The following CNBD1 variants were observed in gnomAD, a reference collection of about 807,000 sequenced individuals.
CNBD1 encodes cyclic nucleotide binding domain containing 1.
A neutral mutation model predicts 54.4 loss-of-function variants in CNBD1; 71 were observed. The ratio of observed to expected loss-of-function variants is 1.30; its 90% CI spans 1.08 to 1.59. The LOEUF (loss-of-function observed/expected upper bound fraction) is 1.59, where lower values mean the gene tolerates loss of function less well. Among genes scored for constraint, CNBD1 ranks in the 40% most tolerant of loss-of-function variants. The pLI is 0.00. For synonymous variants in CNBD1, 182 were observed against 170.7 expected (o/e 1.07, Z -0.51); for missense variants, 659 against 518.0 (o/e 1.27, Z -2.64).
chr8:87,092,521 G>A (rs186953874), intron 4 of CNBD1, among the ~76,000 whole-genome samples: 1 of 145,628 alleles, frequency 6.9e-6, no homozygotes, highest in Non-Finnish European at 1.5e-5. Context: ...GTGTGTATGT[G>A]TGTGTATGTA....
chr8:86,986,917 T>C (rs944756722), intron 4 of CNBD1, among the ~76,000 whole-genome samples: 1 of 152,188 alleles, frequency 6.6e-6, no homozygotes, highest in African/African-American at 2.4e-5. Flanking sequence ...TTTAGCCTTA[T>C]AGTATAGTTT....
chr8:86,958,676 C>T (rs1249076430), intron 4 of CNBD1, among the ~76,000 whole-genome samples: 1 of 151,884 alleles, frequency 6.6e-6, no homozygotes. Context: ...TTTTCCATTT[C>T]CTTGGTAAAT....
chr8:87,064,928 C>A (rs985942554), intron 4 of CNBD1, among the ~76,000 whole-genome samples: 1 of 151,910 alleles, frequency 6.6e-6, no homozygotes, highest in Admixed American at 6.6e-5. Flanking sequence ...GTATGTTAGA[C>A]CTTCTCAACT....
chr8:87,024,481 CAG>C (rs1296941251), intron 4 of CNBD1, among the ~76,000 whole-genome samples: 1 of 151,602 alleles, frequency 6.6e-6, no homozygotes, highest in East Asian at 2.0e-4. Flanking sequence ...GCTGGGATTA[CAG>C]ATGTGTGCCA....
At chr8:87,330,655 G>A (rs971217211) in intron 8 of CNBD1, among the ~76,000 whole-genome samples, 1 of 152,138 alleles carries the variant, frequency 6.6e-6, no homozygotes, top group African/African-American at 2.4e-5. Flanking sequence ...AGAAGAAATT[G>A]TATGATTTCT....
chr8:86,883,182 TA>T (rs35388299), intron 1 of CNBD1, among the ~76,000 whole-genome samples: 1,955 of 149,422 alleles, frequency 0.013, 37 homozygotes, highest in African/African-American at 0.043. Flanking sequence ...ACTTAAAAGT[TA>T]AAAAAAAAAA....
chr8:86,952,799 T>C (rs1218924588), intron 4 of CNBD1, among the ~76,000 whole-genome samples: 3 of 152,138 alleles, frequency 2.0e-5, no homozygotes, highest in Non-Finnish European at 4.4e-5. Flanking sequence ...ATCACCGCAA[T>C]TTAGATAATG....
In CNBD1 at chr8:87,302,741, C is replaced by T. The variant is rs1328892134; in HGVS notation, c.1042+16070C>T. ...TGATTGTATATTTAGAAAACCCCAT[C>T]ATCTCAGCCCAAAATCTCCTTAAGC... On this transcript the variant is annotated intron_variant, in intron 8 of 10. Coordinates refer to ENST00000518476, the MANE Select transcript of CNBD1 (RefSeq NM_173538.3). Among the ~76,000 whole-genome samples, 115 of 151,736 alleles carry T rather than the reference C, an allele frequency of 7.6e-4. 1 individual carries two copies. Among genetic ancestry groups the T allele is most frequent in the African/African-American group, 2.7e-3 (111 of 41,480 alleles).
At chr8:87,117,393 C>T (rs746329383) in intron 4 of CNBD1, among the ~76,000 whole-genome samples, 18 of 114,726 alleles carry the variant, frequency 1.6e-4, no homozygotes, top group Admixed American at 1.1e-3. Flanking sequence ...AGCAAGATTC[C>T]GTCTCAAAAA....
chr8:87,045,724 C>T (rs986834961), intron 4 of CNBD1, among the ~76,000 whole-genome samples: 1 of 51,086 alleles, frequency 2.0e-5, no homozygotes, highest in Non-Finnish European at 3.8e-5. Context: ...GACTCCGTCT[C>T]AAAAAAAAAA....
At chr8:87,106,474 G>A (rs189744651) in intron 4 of CNBD1, among the ~76,000 whole-genome samples, 7 of 152,180 alleles carry the variant, frequency 4.6e-5, no homozygotes, top group Admixed American at 1.3e-4. Flanking sequence ...GCCTCCTCAA[G>A]TGTGGGAATT....
At chr8:87,074,491 C>T (rs1403888268) in intron 4 of CNBD1, among the ~76,000 whole-genome samples, 1 of 152,166 alleles carries the variant, frequency 6.6e-6, no homozygotes, top group African/African-American at 2.4e-5. Context: ...ACTCCAGGAT[C>T]TCTGTGTGTG....
intron 6 of CNBD1, among the ~76,000 whole-genome samples, chr8:87,258,017 A>G (rs901783270): frequency 6.6e-6 from 1 of 152,140 alleles, no homozygotes; most frequent in Non-Finnish European, 1.5e-5. Flanking sequence ...ATTCACTAAA[A>G]TATAACCTGA....
chr8:87,287,341 G>A (rs936965617), intron 8 of CNBD1, among the ~76,000 whole-genome samples: 4 of 152,102 alleles, frequency 2.6e-5, no homozygotes, highest in African/African-American at 9.7e-5. Flanking sequence ...AGAGCTTTAG[G>A]TCTCTTTTGG....
chr8:87,330,376 T>C (rs1215314307), intron 8 of CNBD1, among the ~76,000 whole-genome samples: 2 of 151,734 alleles, frequency 1.3e-5, no homozygotes, highest in African/African-American at 4.8e-5. Context: ...ACTAGTTTTA[T>C]TTTTTTTCTG....
At chr8:87,315,646 T>C (rs1809370615) in intron 8 of CNBD1, among the ~76,000 whole-genome samples, 2 of 151,980 alleles carry the variant, frequency 1.3e-5, no homozygotes, top group Non-Finnish European at 1.5e-5. Context: ...ACCCAAAAAC[T>C]TCCCATTAAG....
At chr8:87,310,591 C>G (rs1809244684) in intron 8 of CNBD1, among the ~76,000 whole-genome samples, 1 of 152,050 alleles carries the variant, frequency 6.6e-6, no homozygotes, top group African/African-American at 2.4e-5. Flanking sequence ...CTATTTCTAT[C>G]AAATGACCAA....
At chr8:87,249,434 C>T (rs1807869001) in intron 6 of CNBD1, among the ~76,000 whole-genome samples, 1 of 152,062 alleles carries the variant, frequency 6.6e-6, no homozygotes, top group Non-Finnish European at 1.5e-5. Flanking sequence ...AGTCAGGGAC[C>T]CTTAGGGTAG....
intron 4 of CNBD1, among the ~76,000 whole-genome samples, chr8:87,193,777 T>C (rs577408804): frequency 6.6e-6 from 1 of 152,184 alleles, no homozygotes; most frequent in Non-Finnish European, 1.5e-5. Flanking sequence ...ATTAAACAAA[T>C]TTGATGTCTT....
Sources: allele counts gnomAD v4.1 joint callset (sites outside exome capture counted in the v4.1 genomes callset), GRCh38; gene constraint gnomAD v4.1.1; transcripts MANE v1.5; gene names NCBI Gene and HGNC (gene_info 2026-07-23, HGNC 2026-07-21).